The following CIC variants were observed in gnomAD, a reference collection of about 807,000 sequenced individuals.
CIC encodes capicua transcriptional repressor, also known as protein capicua homolog.
CIC carries 18 observed loss-of-function variants against 115.7 expected under a neutral mutation model. The observed-to-expected ratio is 0.16, with a 90% CI of 0.11 to 0.23. The LOEUF is 0.23. CIC is among the 10% of genes least tolerant of loss of function. CIC has a pLI of 1.00. For synonymous variants in CIC, 1,076 were observed against 923.0 expected (o/e 1.17, Z -3.01); for missense variants, 2,000 against 2,159.3 (o/e 0.93, Z 1.46).
In CIC at chr19:42,273,253, C is replaced by T; in HGVS notation, c.1470C>T (p.Pro490=). 2.5e-6 allele frequency: 1 copy of T among 398,638 alleles called. No individual in the cohort carries two copies. The highest frequency in any genetic ancestry group is 4.4e-6 in the Non-Finnish European group (1 of 226,026). 24.7% of individuals were successfully genotyped at this position (398,638 alleles called of 1,614,324 possible). A position where few individuals can be genotyped will look rare whatever the true frequency, so the allele number is the denominator to read the frequency against. Reference sequence around the variant, plus strand: ...AGAAGGGCGATGTGGTCTGCACACCCAGCGGAATACGAAAGAAGTTCAACG... The same window carrying T: ...AGAAGGGCGATGTGGTCTGCACACCTAGCGGAATACGAAAGAAGTTCAACG... The part of the protein sequence containing the change: ...KYKKGDVVCT[P]SGIRKKFNGK... Residue 490 remains proline, a synonymous_variant, in exon 2 of 21, where the codon CCC becomes CCT. Coordinates refer to ENST00000681038, the MANE Select transcript of CIC (RefSeq NM_001386298.1).
In CIC at chr19:42,294,545, G is replaced by A. The variant is rs747567433; in HGVS notation, c.7055-59G>A. Reference sequence around the variant, plus strand: ...TGAGGGCTTGGGTGGGCACTCAGACGGTGGCAGGAAGGCCCTGCCGCTGCT... The same window carrying A: ...TGAGGGCTTGGGTGGGCACTCAGACAGTGGCAGGAAGGCCCTGCCGCTGCT... On this transcript the variant is annotated intron_variant, in intron 19 of 20. Coordinates refer to ENST00000681038, the MANE Select transcript of CIC (RefSeq NM_001386298.1). 9.3e-6 allele frequency: 15 copies of A among 1,608,144 alleles called. No individual in the cohort carries two copies. In the East Asian group the frequency reaches 1.3e-4, roughly 14 times the overall value.
In CIC at chr19:42,280,975, C is replaced by T. The variant is rs1180960611; in HGVS notation, c.2795-5796C>T. Among the ~76,000 whole-genome samples, 3 of 150,592 alleles carry T rather than the reference C, an allele frequency of 2.0e-5. No individual in the cohort carries two copies. The highest frequency in any genetic ancestry group is 4.4e-5 in the Non-Finnish European group (3 of 67,538). On this transcript the variant is annotated intron_variant, in intron 2 of 20. Coordinates refer to ENST00000681038, the MANE Select transcript of CIC (RefSeq NM_001386298.1). This position sits in a 1 kb window ranked among gnomAD's most constrained non-coding sequence, Gnocchi z 4.9. The stretch of plus-strand genomic sequence containing the variant: ...CTGGGGACCATCCCCCACACACTCT[C>T]CCCAGTCTCTCTTTTCCTCCTGGTC...
chr19:42,280,371 A>G lies in CIC; in HGVS notation c.2794+5794A>G, dbSNP rs2037173759. On this transcript the variant is annotated intron_variant, in intron 2 of 20. Transcript: ENST00000681038. This position sits in a 1 kb window ranked among gnomAD's most constrained non-coding sequence, Gnocchi z 4.9. ...AAACCGGGTGCTCCGGGGGCTGTGT[A>G]GAAGCGGACTGGCACCCAGCGAGGG... Among the ~76,000 whole-genome samples the G allele has an allele frequency of 6.6e-6, 1 of 152,070 alleles. No homozygotes were observed. Among genetic ancestry groups the G allele is most frequent in the Non-Finnish European group, 1.5e-5 (1 of 67,974 alleles).
At position 42,291,137 on chromosome 19, in the gene CIC, C is replaced by G. The variant is rs1053512054; in HGVS notation, c.5096C>G (p.Thr1699Ser). ...FIAQGAPGGG[T>S]TAGSGAGAGS... is the part of the protein sequence containing the mutation. ...GCCCAGGGGGCCCCTGGTGGTGGGACCACTGCGGGCTCAGGAGCAGGTGCT... is the reference window on the plus strand; with the variant it reads ...GCCCAGGGGGCCCCTGGTGGTGGGAGCACTGCGGGCTCAGGAGCAGGTGCT... Residue 1699 changes from threonine to serine, a missense_variant, in exon 11 of 21, where the codon ACC becomes AGC. Thr to Ser is a moderately conservative substitution (Grantham distance 58). Coordinates refer to ENST00000681038, the MANE Select transcript of CIC (RefSeq NM_001386298.1). 1 of 1,608,140 alleles carries G rather than the reference C, an allele frequency of 6.2e-7. No homozygotes were observed. The highest frequency in any genetic ancestry group is 1.3e-5 in the African/African-American group (1 of 74,756).
In CIC at chr19:42,292,347, C is replaced by A. The variant is rs112938816; in HGVS notation, c.5783C>A (p.Thr1928Asn). ...SAGGHALPLG[T>N]SPASSQAGTV... ...GGCGGGCACGCGCTGCCCCTGGGTA[C>A]CAGCCCTGCGTCCAGCCAGGCTGGA... The change falls in exon 14 of 21, where the codon ACC becomes AAC. Residue 1928 changes from threonine to asparagine, a missense_variant. Coordinates refer to ENST00000681038, the MANE Select transcript of CIC (RefSeq NM_001386298.1). 1 of 1,613,076 alleles carries A rather than the reference C, an allele frequency of 6.2e-7. No individual in the cohort carries two copies. The highest frequency in any genetic ancestry group is 8.5e-7 in the Non-Finnish European group (1 of 1,179,942).
chr19:42,284,631 A>T, intron 2 of CIC: 1 of 1,159,330 alleles, frequency 8.6e-7, no homozygotes, highest in Non-Finnish European at 1.2e-6. Flanking sequence ...ACGGCCGAGG[A>T]GCGGGCTGCG....
Position 42,295,734 on chromosome 19 carries a change from A to G in CIC, c.*543A>G, listed in dbSNP as rs2038465447. ...TTCCCCAGAACAAAACATGTTGATC[A>G]TGTGCAATATTTCTTACTGTGCCGA... On this transcript the variant is annotated 3_prime_UTR_variant, in exon 21 of 21. Coordinates refer to ENST00000681038, the MANE Select transcript of CIC (RefSeq NM_001386298.1). 1 of 220,602 alleles carries G rather than the reference A, an allele frequency of 4.5e-6. No homozygotes were observed. The allele number at this position is 220,602 out of a possible 1,614,324, so 13.7% of individuals were successfully genotyped here.
Position 42,291,710 on chromosome 19 carries a change from G to A in CIC, c.5578G>A (p.Val1860Ile), listed in dbSNP as rs1313365643. Residue 1860 changes from valine (V) to isoleucine (I), a missense_variant, in exon 12 of 21, where the codon GTA becomes ATA. Physicochemically the swap from Val to Ile is conservative, Grantham distance 29. This residue lies in a region of CIC where 1,466 missense variants were observed against 1,390.4 expected (regional missense o/e 1.05). Transcript: ENST00000681038. The part of the protein sequence containing the change: ...PLPLVSPPFS[V>I]PVQNGAQPPS... Reference sequence around the variant, plus strand: ...GCCACTGGTGAGCCCGCCCTTCTCAGTACCTGTGCAGAATGGTGCCCAGCC... The same window carrying A: ...GCCACTGGTGAGCCCGCCCTTCTCAATACCTGTGCAGAATGGTGCCCAGCC... 1.9e-6 allele frequency: 3 copies of A among 1,612,982 alleles called. No homozygotes were observed. The highest frequency in any genetic ancestry group is 2.5e-6 in the Non-Finnish European group (3 of 1,180,006).
intron 2 of CIC, chr19:42,283,995 C>T (rs915827469): frequency 2.6e-4 from 38 of 148,618 alleles, no homozygotes; most frequent in Admixed American, 2.5e-3. Context: ...GCGCGGAAGG[C>T]CGCGGGGGAA....
rs753341446 is a variant in CIC at position 42,295,095 on chromosome 19, A to C, written c.7458A>C (p.Pro2486=). The C allele has an allele frequency of 4.5e-5, 69 of 1,521,362 alleles. No individual in the cohort carries two copies. Among genetic ancestry groups the C allele is most frequent in the Non-Finnish European group, 5.7e-5 (65 of 1,140,786 alleles). 94.2% of individuals were successfully genotyped at this position (1,521,362 alleles called of 1,614,324 possible). ...CCCAGGCTGCCCCGCCACTGCCTCC[A>C]CCCCCAGAGTCGGGGCCTGGACAGC... is the stretch of plus-strand genomic sequence containing the variant. ...GTAQAAPPLP[P]PPESGPGQPG... is the part of the protein sequence containing the mutation. The change falls in exon 21 of 21, where the codon CCA becomes CCC. Residue 2486 remains proline (P), a synonymous_variant. Coordinates refer to ENST00000681038, the MANE Select transcript of CIC (RefSeq NM_001386298.1).
intron 2 of CIC, among the ~76,000 whole-genome samples, chr19:42,283,770 G>A (rs1052561927): frequency 1.3e-5 from 2 of 152,122 alleles, no homozygotes; most frequent in South Asian, 2.1e-4. Context: ...CCGCCCCCCT[G>A]GCTCGGTGCC....
At position 42,277,381 on chromosome 19, in the gene CIC, C is replaced by T. The variant is rs181204526; in HGVS notation, c.2794+2804C>T. ...AATAGCTGGGATTACAGGAGTGTGC[C>T]ACCACGCCCGGCTAATTTTTGTATT... is the stretch of plus-strand genomic sequence containing the variant. On this transcript the variant is annotated intron_variant, in intron 2 of 20. Coordinates refer to ENST00000681038, the MANE Select transcript of CIC (RefSeq NM_001386298.1). Among the ~76,000 whole-genome samples, 132 of 152,308 alleles carry T rather than the reference C, an allele frequency of 8.7e-4. 1 individual carries two copies. In the East Asian group the frequency reaches 0.025, roughly 28 times the overall value.
chr19:42,292,737 C>A lies in CIC; in HGVS notation c.6074C>A (p.Pro2025Gln), dbSNP rs759377182. 20 of 1,613,820 alleles carry A rather than the reference C, an allele frequency of 1.2e-5. No homozygotes were observed. The highest frequency in any genetic ancestry group is 1.7e-5 in the Non-Finnish European group (20 of 1,179,968). The stretch of plus-strand genomic sequence containing the variant: ...CTGGCCCAGCCATCCCAGGCCCCCC[C>A]AAGCCTGGTCTACACTGTGGCCACC... Reference protein sequence around the residue: ...APLAQPSQAPPSLVYTVATST... With the variant: ...APLAQPSQAPQSLVYTVATST... The change falls in exon 15 of 21, where the codon CCA becomes CAA. Residue 2025 changes from proline to glutamine, a missense_variant. By Grantham distance (76) the Pro-to-Gln change is moderately conservative (BLOSUM62 -1). Around this residue, in one of 8 missense-constraint regions of CIC, gnomAD observed 1,466 missense variants for 1,390.4 expected, o/e 1.05. Coordinates refer to ENST00000681038, the MANE Select transcript of CIC (RefSeq NM_001386298.1).
intron 2 of CIC, chr19:42,284,036 G>C (rs904163535): frequency 2.0e-5 from 3 of 149,012 alleles, no homozygotes; most frequent in African/African-American, 7.3e-5. Flanking sequence ...GGCGCGGCGG[G>C]GGGAGGGGAG....
In CIC at chr19:42,289,041, G is replaced by A; in HGVS notation, c.3812G>A (p.Ser1271Asn). Residue 1271 changes from serine (S) to asparagine (N), a missense_variant, in exon 8 of 21, where the codon AGC (serine) becomes AAC (asparagine). Coordinates refer to ENST00000681038, the MANE Select transcript of CIC (RefSeq NM_001386298.1). ...GCTTTCTCCCACAGCGGGGTACACAGCCTGGACGGCGGAGAAGTAGACAGT... is the reference window on the plus strand; with the variant it reads ...GCTTTCTCCCACAGCGGGGTACACAACCTGGACGGCGGAGAAGTAGACAGT... The part of the protein sequence containing the change: ...PRAFSHSGVH[S>N]LDGGEVDSQA... The A allele has an allele frequency of 6.2e-7, 1 of 1,613,762 alleles. No individual in the cohort carries two copies. Among genetic ancestry groups the A allele is most frequent in the Non-Finnish European group, 8.5e-7 (1 of 1,180,044 alleles).
chr19:42,291,249 C>T lies in CIC; in HGVS notation c.5208C>T (p.Tyr1736=). The change falls in exon 11 of 21, where the codon TAC becomes TAT. Residue 1736 remains tyrosine (Y), a synonymous_variant. Coordinates refer to ENST00000681038, the MANE Select transcript of CIC (RefSeq NM_001386298.1). ...CTGGGGGAATCACCCAGGTACAGTA[C>T]ATCCTGCCCACGCTGCCCCAGCAGC... ...GKAGGITQVQ[Y]ILPTLPQQLQ... is the part of the protein sequence containing the mutation. 6 of 1,612,308 alleles carry T rather than the reference C, an allele frequency of 3.7e-6. No individual in the cohort carries two copies. The highest frequency in any genetic ancestry group is 3.3e-5 in the South Asian group (3 of 90,970).
At chr19:42,284,916 G>T (rs2037519162) in intron 2 of CIC, 1 of 765,628 alleles carries the variant, frequency 1.3e-6, no homozygotes. Context: ...GCTCGGCCGG[G>T]CCGAGTGGTT....
Position 42,288,907 on chromosome 19 carries a change from C to T in CIC, c.3678C>T (p.Ser1226=), listed in dbSNP as rs772124027. Residue 1226 remains serine (S), a synonymous_variant, in exon 8 of 21, where the codon TCC becomes TCT. Coordinates refer to ENST00000681038, the MANE Select transcript of CIC (RefSeq NM_001386298.1). ...TTACAGTGTCCTCTGAGCTCCTGTC[C>T]GTTGCAGCCCAGACACTCCTGAGCT... The part of the protein sequence containing the change: ...AAPGVSSELL[S]VAAQTLLSSD... 2.2e-5 allele frequency: 36 copies of T among 1,614,068 alleles called. No homozygotes were observed. Among genetic ancestry groups the T allele is most frequent in the South Asian group, 1.4e-4 (13 of 91,090 alleles).
At chr19:42,271,286 C>G (rs1394090449) in intron 1 of CIC, among the ~76,000 whole-genome samples, 1 of 152,130 alleles carries the variant, frequency 6.6e-6, no homozygotes, top group African/African-American at 2.4e-5. Context: ...GGGTTCAGAC[C>G]CTAGCACTGC....
Sources: gnomAD v4.1 joint callset for allele counts (sites outside exome capture counted in the v4.1 genomes callset) on GRCh38, gnomAD v4.1.1 for gene constraint, gnomAD v4.1.1 regional missense constraint, Gnocchi (gnomAD v3.1) non-coding constraint, MANE v1.5 for transcripts, NCBI Gene and HGNC (gene_info 2026-07-23, HGNC 2026-07-21) for gene names.